The following NF1 variants were observed in gnomAD, a reference collection of about 807,000 sequenced individuals.
The protein encoded by NF1 is neurofibromin.
In NF1, 122 loss-of-function variants were observed where a neutral mutation model predicts 325.7. The observed-to-expected ratio is 0.37, with a 90% CI of 0.32 to 0.44. The LOEUF (loss-of-function observed/expected upper bound fraction) is 0.44, where lower values mean the gene tolerates loss of function less well. Ranked by LOEUF, NF1 falls within the 20% of genes least tolerant of loss-of-function variation. The probability of loss-of-function intolerance (pLI) is 1.00; values close to 1 mark genes in which losing one functional copy is unlikely to be tolerated. For synonymous variants in NF1, 1,091 were observed against 1,186.0 expected (o/e 0.92, Z 1.65); for missense variants, 2,140 against 3,415.4 (o/e 0.63, Z 9.31).
intron 36 of NF1, among the ~76,000 whole-genome samples, chr17:31,303,110 G>T (rs1048630164): frequency 4.6e-5 from 7 of 152,188 alleles, no homozygotes; most frequent in African/African-American, 7.2e-5. Context: ...CCAGTGCTAT[G>T]AATAAATGCT....
chr17:31,225,935 G>A (rs968659461), intron 17 of NF1, among the ~76,000 whole-genome samples: 1 of 152,152 alleles, frequency 6.6e-6, no homozygotes, highest in Non-Finnish European at 1.5e-5. Flanking sequence ...AGAATCAAAT[G>A]TATCTTCTAC....
intron 1 of NF1, among the ~76,000 whole-genome samples, chr17:31,095,664 A>G (rs1049301382): frequency 1.3e-5 from 2 of 152,088 alleles, no homozygotes; most frequent in African/African-American, 4.8e-5. Context: ...TCCGCTTGGA[A>G]ATGGGGATGA....
chr17:31,372,668 A>T (rs1053586507), intron 57 of NF1, among the ~76,000 whole-genome samples: 1 of 152,114 alleles, frequency 6.6e-6, no homozygotes, highest in Non-Finnish European at 1.5e-5. Context: ...TAAAAATAAA[A>T]ATCTTATTTT....
At chr17:31,337,305 T>G in intron 42 of NF1, 63 bp from the exon 43 acceptor site, 1 of 1,329,220 alleles carries the variant, frequency 7.5e-7, no homozygotes, top group South Asian at 1.3e-5. Context: ...AAATGAAACA[T>G]GGAACTTTAG....
At chr17:31,125,526 T>C (rs1914803818) in intron 1 of NF1, among the ~76,000 whole-genome samples, 1 of 152,032 alleles carries the variant, frequency 6.6e-6, no homozygotes, top group Non-Finnish European at 1.5e-5. Flanking sequence ...TTTCTAATTT[T>C]TAAAAATTTT....
intron 36 of NF1, among the ~76,000 whole-genome samples, chr17:31,277,597 G>A (rs1262249392): frequency 1.3e-5 from 2 of 152,028 alleles, no homozygotes; most frequent in African/African-American, 2.4e-5. Context: ...GGTATCATTG[G>A]GCTCCCCTCC....
At chr17:31,341,759 A>T (rs767967559) in intron 47 of NF1, among the ~76,000 whole-genome samples, 2 of 151,872 alleles carry the variant, frequency 1.3e-5, no homozygotes, top group African/African-American at 4.8e-5. Flanking sequence ...ATTACTTCTT[A>T]GTTCCTTTCT....
At chr17:31,333,521 C>A (rs771338488) in intron 39 of NF1, among the ~76,000 whole-genome samples, 13 of 152,230 alleles carry the variant, frequency 8.5e-5, no homozygotes, top group Middle Eastern at 6.8e-3. Context: ...ACTATTATGA[C>A]CTCTATTGCA....
At chr17:31,161,141 C>T (rs1483330978) in intron 3 of NF1, among the ~76,000 whole-genome samples, 1 of 152,082 alleles carries the variant, frequency 6.6e-6, no homozygotes, top group East Asian at 1.9e-4. Context: ...AAATACTTAC[C>T]AATATGTTAT....
At chr17:31,113,922 A>G (rs1913658008) in intron 1 of NF1, among the ~76,000 whole-genome samples, 1 of 152,252 alleles carries the variant, frequency 6.6e-6, no homozygotes, top group African/African-American at 2.4e-5. Flanking sequence ...AATGAGGAGC[A>G]GAGTCTCATA....
intron 56 of NF1, chr17:31,360,200 T>A: frequency 2.3e-6 from 1 of 433,900 alleles, no homozygotes; most frequent in East Asian, 4.8e-5. Context: ...GAAAATTGGC[T>A]AGACATCATT....
At chr17:31,177,113 G>A (rs534759994) in intron 5 of NF1, among the ~76,000 whole-genome samples, 32 of 152,254 alleles carry the variant, frequency 2.1e-4, no homozygotes, top group African/African-American at 7.7e-4. Context: ...CCATTTTCAC[G>A]ATATTGATTC....
intron 39 of NF1, 128 bp from the exon 40 acceptor site, chr17:31,334,708 CTT>C: frequency 1.4e-6 from 1 of 717,954 alleles, no homozygotes; most frequent in Non-Finnish European, 2.4e-6. Context: ...TGCCAAGTGT[CTT>C]TTCTCCAGGC....
intron 12 of NF1, among the ~76,000 whole-genome samples, chr17:31,207,662 TGAA>T (rs2066647891): frequency 6.6e-6 from 1 of 152,158 alleles, no homozygotes; most frequent in Non-Finnish European, 1.5e-5. Flanking sequence ...TTTTTTAAGT[TGAA>T]GAAATTTTCA....
chr17:31,130,365 A>T (rs1915264120), intron 1 of NF1, among the ~76,000 whole-genome samples: 2 of 152,088 alleles, frequency 1.3e-5, no homozygotes, highest in South Asian at 4.1e-4. Flanking sequence ...CAGTGGAATC[A>T]ATTCTTGTTC....
chr17:31,305,446 G>C, intron 36 of NF1: 1 of 1,614,190 alleles, frequency 6.2e-7, no homozygotes, highest in South Asian at 1.1e-5. Context: ...TTGACCCAAA[G>C]GATTCCCTGT....
intron 36 of NF1, among the ~76,000 whole-genome samples, chr17:31,267,146 GTCTTGAACTCCTGACC>G (rs2067805310): frequency 6.6e-6 from 1 of 152,076 alleles, no homozygotes. Context: ...GGCCAGGCTG[GTCTTGAACTCCTGACC>G]TCAGGTGATC....
rs2066133331 is a variant in NF1 at position 31,181,509 on chromosome 17, G to A, written c.654+20G>A. 14 of 1,611,100 alleles carry A rather than the reference G, an allele frequency of 8.7e-6. No homozygotes were observed. Among genetic ancestry groups the A allele is most frequent in the Non-Finnish European group, 1.1e-5 (13 of 1,177,756 alleles). ...GAAAAGGTAAGTTACAACCTCTCTG[G>A]TATTAAAATTTTGTTTTTGATGTAA... On this transcript the variant is annotated intron_variant, in intron 6 of 57. Coordinates refer to ENST00000358273, the MANE Select transcript of NF1 (RefSeq NM_001042492.3).
In NF1 at chr17:31,249,134, A is replaced by G. The variant is rs1331795815; in HGVS notation, c.4110+15A>G. 6.2e-7 allele frequency: 1 copy of G among 1,613,060 alleles called. No homozygotes were observed. The highest frequency in any genetic ancestry group is 8.5e-7 in the Non-Finnish European group (1 of 1,179,062). Reference sequence around the variant, plus strand: ...GTTTATACCAGGTATGCTTACAGTTAGAGATTACCATTATTAATCTAAAGT... The same window carrying G: ...GTTTATACCAGGTATGCTTACAGTTGGAGATTACCATTATTAATCTAAAGT... On this transcript the variant is annotated intron_variant, in intron 30 of 57. Coordinates refer to ENST00000358273, the MANE Select transcript of NF1 (RefSeq NM_001042492.3).
Sources: allele counts gnomAD v4.1 joint callset (sites outside exome capture counted in the v4.1 genomes callset), GRCh38; gene constraint gnomAD v4.1.1; transcripts MANE v1.5; gene names NCBI Gene and HGNC (gene_info 2026-07-23, HGNC 2026-07-21).